The following USP32 variants were observed in gnomAD, a reference collection of about 807,000 sequenced individuals.
USP32 encodes the protein ubiquitin carboxyl-terminal hydrolase 32.
USP32 carries 59 observed loss-of-function variants against 204.8 expected under a neutral mutation model. The observed-to-expected ratio is 0.29, with a 90% CI of 0.23 to 0.36. The LOEUF (loss-of-function observed/expected upper bound fraction) is 0.36. Among genes scored for constraint, USP32 ranks in the 10% least tolerant of loss-of-function variants. The pLI is 1.00. For synonymous variants in USP32, 517 were observed against 678.4 expected, an observed-to-expected ratio of 0.76 and a Z score of 3.70; for missense variants, 1,160 against 1,946.4, an observed-to-expected ratio of 0.60 and a Z score of 7.60.
At chr17:60,393,004 AAGTG>A (rs143396459), upstream of USP32, among the ~76,000 whole-genome samples, 1 of 152,208 alleles carries the variant, frequency 6.6e-6, no homozygotes, top group African/African-American at 2.4e-5. Context: ...CACAATTTCT[AAGTG>A]AGTTCAGTGG....
In USP32 at chr17:60,265,992, C is replaced by T. The variant is rs776468433; in HGVS notation, c.911G>A (p.Arg304His). The T allele has an allele frequency of 2.5e-6, 4 of 1,613,480 alleles. No homozygotes were observed. Among genetic ancestry groups the T allele is most frequent in the South Asian group, 2.2e-5 (2 of 91,058 alleles). ...VALLEVWKDNRTDDIPELHMD... is the reference protein window; with the variant it reads ...VALLEVWKDNHTDDIPELHMD... The stretch of plus-strand genomic sequence containing the variant: ...ATAACTTACAGGAATATCATCAGTG[C>T]GGTTGTCCTTCCAGACTTCTAAAAG... The change falls in exon 8 of 34, where the codon CGC (arginine) becomes CAC (histidine). Residue 304 changes from arginine to histidine, a missense_variant. Transcript: ENST00000300896.
intron 12 of USP32, among the ~76,000 whole-genome samples, chr17:60,228,489 T>C (rs2085453361): frequency 6.8e-6 from 1 of 146,086 alleles, no homozygotes; most frequent in East Asian, 1.9e-4. Flanking sequence ...ATTAGGTTTC[T>C]TTTTTCTTTT....
intron 12 of USP32, among the ~76,000 whole-genome samples, chr17:60,231,820 T>C (rs2085559965): frequency 6.6e-6 from 1 of 152,224 alleles, no homozygotes; most frequent in African/African-American, 2.4e-5. Flanking sequence ...TTACATTTTT[T>C]TAGGAGATTA....
intron 2 of USP32, among the ~76,000 whole-genome samples, chr17:60,324,100 G>A (rs1316977841): frequency 2.0e-5 from 3 of 152,096 alleles, no homozygotes; most frequent in East Asian, 3.8e-4. Flanking sequence ...GGGCAACACA[G>A]TGAGACCTTG....
intron 2 of USP32, among the ~76,000 whole-genome samples, chr17:60,345,252 T>C (rs962331874): frequency 6.6e-6 from 1 of 152,202 alleles, no homozygotes; most frequent in Non-Finnish European, 1.5e-5. Flanking sequence ...TCAGTGGCTA[T>C]TAAAGCTCTA....
intron 2 of USP32, among the ~76,000 whole-genome samples, chr17:60,331,744 A>G (rs747309438): frequency 5.7e-5 from 8 of 140,124 alleles, no homozygotes; most frequent in Admixed American, 1.5e-4. Flanking sequence ...ACAAAAAAAT[A>G]CAAGTTAGCC....
At chr17:60,347,952 C>T (rs2088830012) in intron 1 of USP32, among the ~76,000 whole-genome samples, 1 of 151,814 alleles carries the variant, frequency 6.6e-6, no homozygotes, top group Non-Finnish European at 1.5e-5. Flanking sequence ...GAAACCCCGT[C>T]TCTACTAAAA....
chr17:60,370,715 T>C (rs896165102), intron 1 of USP32, among the ~76,000 whole-genome samples: 3 of 142,454 alleles, frequency 2.1e-5, no homozygotes, highest in African/African-American at 8.0e-5. Context: ...TGAGTTGTGA[T>C]CACACCACTA....
At position 60,244,733 on chromosome 17, in the gene USP32, G is replaced by A. The variant is rs570136921; in HGVS notation, c.1136+7648C>T. On this transcript the variant is annotated intron_variant, in intron 11 of 33. Coordinates refer to ENST00000300896, the MANE Select transcript of USP32 (RefSeq NM_032582.4). ...TGCAACCTCTGCCTCCTGGGTTCAA[G>A]TGATTCTCCCACCTCAGCCTCATGA... Among the ~76,000 whole-genome samples, 3 of 152,316 alleles carry A rather than the reference G, an allele frequency of 2.0e-5. No homozygotes were observed. The South Asian group carries it at 6.2e-4, about 32-fold the overall frequency.
intron 5 of USP32, among the ~76,000 whole-genome samples, chr17:60,283,913 C>A (rs8064423): frequency 0.28 from 42,752 of 151,910 alleles, 10,544 homozygotes; most frequent in African/African-American, 0.67. Context: ...CGAGAACAAA[C>A]TAGAGCGAAG....
At chr17:60,381,704 T>C (rs758167015) in intron 1 of USP32, among the ~76,000 whole-genome samples, 2 of 152,224 alleles carry the variant, frequency 1.3e-5, no homozygotes, top group Admixed American at 6.5e-5. Flanking sequence ...GATCTTGAAA[T>C]GTTCTGCATT....
intron 10 of USP32, 141 bp downstream of exon 10, chr17:60,255,034 C>A (rs237965): frequency 2.0e-4 from 115 of 564,928 alleles, no homozygotes; most frequent in Non-Finnish European, 1.3e-4. Flanking sequence ...ATCTTTCAGA[C>A]GAGTAATGTA....
At chr17:60,329,503 C>T (rs1057085116) in intron 2 of USP32, among the ~76,000 whole-genome samples, 1 of 137,530 alleles carries the variant, frequency 7.3e-6, no homozygotes, top group Non-Finnish European at 1.5e-5. Context: ...GAGATGAGGT[C>T]TCACTATGTT....
At chr17:60,326,321 T>C (rs2088237497) in intron 2 of USP32, among the ~76,000 whole-genome samples, 1 of 151,756 alleles carries the variant, frequency 6.6e-6, no homozygotes, top group South Asian at 2.1e-4. Flanking sequence ...TTTTTTTTTT[T>C]CCTTTTGAGA....
intron 11 of USP32, among the ~76,000 whole-genome samples, chr17:60,239,668 A>T (rs995354958): frequency 6.6e-6 from 1 of 151,996 alleles, no homozygotes. Flanking sequence ...GTTCCTTTTT[A>T]TACTTTCTCT....
At chr17:60,217,485 G>C (rs2085133848) in intron 16 of USP32, among the ~76,000 whole-genome samples, 1 of 152,170 alleles carries the variant, frequency 6.6e-6, no homozygotes, top group Non-Finnish European at 1.5e-5. Flanking sequence ...AGTAAAGATG[G>C]GGTTTCACCA....
At chr17:60,249,769 G>T (rs964901221) in intron 11 of USP32, 1 of 699,840 alleles carries the variant, frequency 1.4e-6, no homozygotes, top group Non-Finnish European at 2.6e-6. Context: ...ATGGTTGTTT[G>T]ACAATTTTGT....
intron 1 of USP32, among the ~76,000 whole-genome samples, chr17:60,415,629 A>C (rs1000716986): frequency 6.6e-6 from 1 of 152,150 alleles, no homozygotes; most frequent in Admixed American, 6.5e-5. Flanking sequence ...CTAGGTAATG[A>C]TTCGGATCCA....
intron 1 of USP32, among the ~76,000 whole-genome samples, chr17:60,350,912 A>G (rs2088931814): frequency 6.6e-6 from 1 of 151,932 alleles, no homozygotes; most frequent in South Asian, 2.1e-4. Context: ...TTTTTAACTC[A>G]CAAAGACAAA....
Sources: gnomAD v4.1 joint callset for allele counts (sites outside exome capture counted in the v4.1 genomes callset) on GRCh38, gnomAD v4.1.1 for gene constraint, MANE v1.5 for transcripts, NCBI Gene and HGNC (gene_info 2026-07-23, HGNC 2026-07-21) for gene names.